IMMP2L: variants seen among roughly 807,000 people sequenced by gnomAD.
The protein encoded by IMMP2L is inner mitochondrial membrane peptidase subunit 2, also known as mitochondrial inner membrane protease subunit 2.
Under a neutral mutation model 19.3 loss-of-function variants are expected in IMMP2L, and 18 were observed. That is an observed-to-expected ratio of 0.93 (90% CI 0.64 to 1.38). The LOEUF (loss-of-function observed/expected upper bound fraction) is 1.38, where lower values mean the gene tolerates loss of function less well. Ranked by LOEUF, IMMP2L falls within the 40% of genes most tolerant of loss-of-function variation. The probability of loss-of-function intolerance (pLI) is 0.00; values close to 1 mark genes in which losing one functional copy is unlikely to be tolerated. For synonymous variants in IMMP2L, 76 were observed against 73.0 expected (o/e 1.04, Z -0.21); for missense variants, 233 against 218.2 (o/e 1.07, Z -0.43).
intron 3 of IMMP2L, chr7:111,124,708 A>T (rs1340920713): frequency 6.2e-7 from 1 of 1,613,966 alleles, no homozygotes; most frequent in South Asian, 1.1e-5. Flanking sequence ...GATATGTCTT[A>T]TCAGCTGCCT....
intron 3 of IMMP2L, among the ~76,000 whole-genome samples, chr7:111,268,026 C>T (rs1818012782): frequency 6.6e-6 from 1 of 151,902 alleles, no homozygotes; most frequent in African/African-American, 2.4e-5. Context: ...AAATAATAAC[C>T]CCAGCTTCAC....
intron 3 of IMMP2L, among the ~76,000 whole-genome samples, chr7:111,408,130 C>G (rs2131479018): frequency 6.6e-6 from 1 of 151,898 alleles, no homozygotes. Context: ...CAGCACTTAT[C>G]TAAAACAAAC....
intron 5 of IMMP2L, among the ~76,000 whole-genome samples, chr7:110,822,336 C>G (rs940707015): frequency 6.6e-6 from 1 of 152,072 alleles, no homozygotes; most frequent in Non-Finnish European, 1.5e-5. Flanking sequence ...CATAAAAGAT[C>G]CTCTGTGATT....
Position 111,473,152 on chromosome 7 carries a change from T to C in IMMP2L, c.239+14086A>G, listed in dbSNP as rs191278136. Among the ~76,000 whole-genome samples, 528 of 152,286 alleles carry C rather than the reference T, an allele frequency of 3.5e-3. 7 individuals carry two copies. The highest frequency in any genetic ancestry group is 0.012 in the African/African-American group (510 of 41,576). ...TCTTGAATATTTGCTGTTATTTCAA[T>C]GTTATCACATAGATAAAAGGATGGT... On this transcript the variant is annotated intron_variant, in intron 3 of 5. Transcript: ENST00000405709.
chr7:111,002,072 T>C (rs1308109060), intron 3 of IMMP2L, among the ~76,000 whole-genome samples: 1 of 152,094 alleles, frequency 6.6e-6, no homozygotes, highest in Non-Finnish European at 1.5e-5. Flanking sequence ...TATAGCCTTT[T>C]TCCTCATTTG....
intron 3 of IMMP2L, among the ~76,000 whole-genome samples, chr7:111,388,807 C>T (rs1280102020): frequency 6.6e-6 from 1 of 152,018 alleles, no homozygotes; most frequent in East Asian, 1.9e-4. Flanking sequence ...GGGTCCCTCC[C>T]ACAACACATG....
intron 1 of IMMP2L, among the ~76,000 whole-genome samples, chr7:111,550,821 G>A (rs1244330548): frequency 6.6e-6 from 1 of 152,042 alleles, no homozygotes; most frequent in Non-Finnish European, 1.5e-5. Context: ...TCCTCTAATG[G>A]TCATCAGTAT....
chr7:110,961,556 C>T (rs371688091), intron 4 of IMMP2L, among the ~76,000 whole-genome samples: 1 of 150,982 alleles, frequency 6.6e-6, no homozygotes, highest in South Asian at 2.1e-4. Context: ...CAACTGTATA[C>T]CCGATAGAAA....
intron 5 of IMMP2L, among the ~76,000 whole-genome samples, chr7:110,702,675 T>C (rs1794362735): frequency 6.6e-6 from 1 of 152,184 alleles, no homozygotes; most frequent in African/African-American, 2.4e-5. Context: ...TTTAATGCTA[T>C]TATAAATAAT....
At chr7:111,085,950 C>T (rs940094896) in intron 3 of IMMP2L, among the ~76,000 whole-genome samples, 14 of 152,024 alleles carry the variant, frequency 9.2e-5, no homozygotes, top group Non-Finnish European at 1.6e-4. Context: ...AAATCAACAG[C>T]CACTGGTGCC....
intron 3 of IMMP2L, among the ~76,000 whole-genome samples, chr7:111,272,289 T>A (rs956893287): frequency 6.6e-6 from 1 of 152,180 alleles, no homozygotes; most frequent in African/African-American, 2.4e-5. Flanking sequence ...CTCATGCTAA[T>A]GTCTATAAAC....
chr7:111,426,796 A>T (rs986265733), intron 3 of IMMP2L, among the ~76,000 whole-genome samples: 3 of 151,270 alleles, frequency 2.0e-5, no homozygotes, highest in Admixed American at 1.3e-4. Context: ...TCTATCTCAC[A>T]TGCTTAACGT....
chr7:111,368,041 T>C (rs1372257965), intron 3 of IMMP2L, among the ~76,000 whole-genome samples: 2 of 151,660 alleles, frequency 1.3e-5, no homozygotes, highest in Non-Finnish European at 2.9e-5. Context: ...GACAAAAGGA[T>C]AGAAAAACTT....
At chr7:111,068,911 T>C (rs552654867) in intron 3 of IMMP2L, among the ~76,000 whole-genome samples, 1 of 152,188 alleles carries the variant, frequency 6.6e-6, no homozygotes, top group African/African-American at 2.4e-5. Flanking sequence ...TCAGGGATGA[T>C]AGCCAATACA....
chr7:111,398,003 T>C (rs1052499670), intron 3 of IMMP2L, among the ~76,000 whole-genome samples: 1 of 152,198 alleles, frequency 6.6e-6, no homozygotes, highest in African/African-American at 2.4e-5. Flanking sequence ...TTTAATATTA[T>C]TTCTATATTT....
chr7:111,287,748 T>C (rs146838812), intron 3 of IMMP2L, among the ~76,000 whole-genome samples: 1 of 152,068 alleles, frequency 6.6e-6, no homozygotes, highest in Non-Finnish European at 1.5e-5. Context: ...TAAGTCTAAT[T>C]ACAGAGAACT....
chr7:111,512,130 CATTT>C (rs1845506745), intron 2 of IMMP2L, among the ~76,000 whole-genome samples: 1 of 152,152 alleles, frequency 6.6e-6, no homozygotes, highest in Non-Finnish European at 1.5e-5. Flanking sequence ...AAAACCCAAA[CATTT>C]ATCATCTGGT....
chr7:111,118,771 T>C (rs1800217027), intron 3 of IMMP2L, among the ~76,000 whole-genome samples: 1 of 152,118 alleles, frequency 6.6e-6, no homozygotes, highest in African/African-American at 2.4e-5. Flanking sequence ...GTCAATATTA[T>C]GCTAAAGAAA....
At chr7:111,217,126 T>TCTCTCTCTCACACACACACA (rs1472700586) in intron 3 of IMMP2L, among the ~76,000 whole-genome samples, 1 of 123,998 alleles carries the variant, frequency 8.1e-6, no homozygotes, top group African/African-American at 3.2e-5. Context: ...TCTCTCTCTC[T>TCTCTCTCTCACACACACACA]CACACACACA....
Sources: gnomAD v4.1 joint callset for allele counts (sites outside exome capture counted in the v4.1 genomes callset) on GRCh38, gnomAD v4.1.1 for gene constraint, MANE v1.5 for transcripts, NCBI Gene and HGNC (gene_info 2026-07-23, HGNC 2026-07-21) for gene names.